Variants in MPRIP observed in about 807,000 individuals in gnomAD.
MPRIP encodes the protein myosin phosphatase Rho-interacting protein.
In MPRIP, 59 loss-of-function variants were observed where a neutral mutation model predicts 234.9. The observed-to-expected ratio is 0.25, with a 90% confidence interval of 0.20 to 0.31. The LOEUF is 0.31. MPRIP is among the 10% of genes least tolerant of loss of function. The pLI is 1.00. For missense variants in MPRIP, 2,436 were observed against 3,071.0 expected, an observed-to-expected ratio of 0.79 and a Z score of 4.89; for synonymous variants, 1,144 against 1,263.9, an observed-to-expected ratio of 0.91 and a Z score of 2.01.
rs2045961350 is a variant in MPRIP, at chr17:17,165,357, C to G, written c.3766C>G (p.Leu1256Val). 2.3e-6 allele frequency: 3 copies of G among 1,304,054 alleles called. No homozygotes were observed. Among genetic ancestry groups the G allele is most frequent in the African/African-American group, 1.5e-5 (1 of 65,874 alleles). 80.8% of individuals were successfully genotyped at this position (1,304,054 alleles called of 1,614,324 possible). ...GQPVQATRAP[L>V]GLPHTRLEDE... ...ACCAGTCCAAGCCACTAGGGCACCT[C>G]TAGGCCTCCCACACACAAGGCTCGA... The change falls in exon 16 of 24, where the codon CTA becomes GTA. Residue 1256 changes from leucine (L) to valine (V), a missense_variant. Physicochemically the swap from Leu to Val is conservative, Grantham distance 32. Around this residue, in one of 4 missense-constraint regions of MPRIP, gnomAD observed 1,998 missense variants for 2,520.3 expected, o/e 0.79. Transcript: ENST00000651222.
At chr17:17,154,744 C>T (rs565718109) in intron 13 of MPRIP, among the ~76,000 whole-genome samples, 26 of 152,374 alleles carry the variant, frequency 1.7e-4, no homozygotes, top group African/African-American at 6.0e-4. Context: ...AGTCGGTGCT[C>T]TCAGGCCTTG....
intron 5 of MPRIP, among the ~76,000 whole-genome samples, chr17:17,132,231 C>T (rs2090611658): frequency 6.6e-6 from 1 of 152,192 alleles, no homozygotes; most frequent in South Asian, 2.1e-4. Context: ...CTCCTTCCCT[C>T]CCTGGCCAGT....
rs2089390399 is a variant in MPRIP at position 17,078,610 on chromosome 17, C to T, written c.267+534C>T. Among the ~76,000 whole-genome samples the T allele has an allele frequency of 6.6e-6, 1 of 152,248 alleles. No individual in the cohort carries two copies. The highest frequency in any genetic ancestry group is 1.5e-5 in the Non-Finnish European group (1 of 68,046). ...TCTTCTGGTCACTAAACCAGGCAGA[C>T]AGGCTTCTTCCTCCTCCCCACCTCC... On this transcript the variant is annotated intron_variant, in intron 3 of 23. Coordinates refer to ENST00000651222, the MANE Select transcript of MPRIP (RefSeq NM_001364716.4). This position sits in a 1 kb window ranked among gnomAD's most constrained non-coding sequence, Gnocchi z 4.3.
chr17:17,054,258 A>C (rs932530697), intron 1 of MPRIP, among the ~76,000 whole-genome samples: 2 of 152,230 alleles, frequency 1.3e-5, no homozygotes, highest in African/African-American at 4.8e-5. Context: ...TGAAAATTGT[A>C]AGGCATACCT....
chr17:17,139,589 A>C (rs1259880176), intron 7 of MPRIP, among the ~76,000 whole-genome samples: 4 of 152,212 alleles, frequency 2.6e-5, no homozygotes, highest in Non-Finnish European at 1.5e-5. Context: ...GGACAGGTGA[A>C]GGCAGCCATG....
At chr17:17,102,222 G>A (rs1378033098) in intron 3 of MPRIP, among the ~76,000 whole-genome samples, 3 of 152,164 alleles carry the variant, frequency 2.0e-5, no homozygotes, top group East Asian at 3.9e-4. Context: ...TCCTGTCTGC[G>A]TTACCCATAG....
chr17:17,107,631 C>T (rs552469576), intron 3 of MPRIP, among the ~76,000 whole-genome samples: 1 of 152,326 alleles, frequency 6.6e-6, no homozygotes, highest in Admixed American at 6.5e-5. Context: ...CACACAGGCC[C>T]AGGCTGGTCC....
intron 3 of MPRIP, among the ~76,000 whole-genome samples, chr17:17,085,963 C>T (rs946810736): frequency 6.6e-5 from 10 of 152,312 alleles, no homozygotes; most frequent in East Asian, 5.8e-4. Flanking sequence ...TCCTTCTCTG[C>T]GGAATTATCC....
rs773595212 is a variant in MPRIP at position 17,143,561 on chromosome 17, C to A, written c.1395C>A (p.Phe465Leu). Residue 465 changes from phenylalanine (F) to leucine (L), a missense_variant, in exon 9 of 24, where the codon TTC becomes TTA. Phe to Leu is a conservative substitution (Grantham distance 22). Coordinates refer to ENST00000651222, the MANE Select transcript of MPRIP (RefSeq NM_001364716.4). ...GCGGCTGCTCTCTGCCACAGGACTTCACCAATGAAGCCCCCCCAGCTCCTC... is the reference window on the plus strand; with the variant it reads ...GCGGCTGCTCTCTGCCACAGGACTTAACCAATGAAGCCCCCCCAGCTCCTC... ...EKRAFPRKRDFTNEAPPAPLP... is the reference protein window; with the variant it reads ...EKRAFPRKRDLTNEAPPAPLP... 15 of 1,595,202 alleles carry A rather than the reference C, an allele frequency of 9.4e-6. No homozygotes were observed. The highest frequency in any genetic ancestry group is 1.7e-5 in the Admixed American group (1 of 57,806).
At chr17:17,045,186 G>A (rs2088306460) in intron 1 of MPRIP, among the ~76,000 whole-genome samples, 1 of 152,198 alleles carries the variant, frequency 6.6e-6, no homozygotes, top group Non-Finnish European at 1.5e-5. Context: ...CCACCATCGA[G>A]GCCACTCCCT....
chr17:17,142,901 A>G, intron 8 of MPRIP, 136 bp downstream of exon 8: 4 of 970,334 alleles, frequency 4.1e-6, no homozygotes, highest in Non-Finnish European at 6.0e-6. Context: ...TCCTCTGCAT[A>G]GTGACTTCTT....
chr17:17,143,806 C>G, intron 9 of MPRIP, 137 bp downstream of exon 9: 1 of 468,110 alleles, frequency 2.1e-6, no homozygotes, highest in Middle Eastern at 4.3e-4. Flanking sequence ...AGCACCCCCA[C>G]CCACCGACCC....
intron 1 of MPRIP, 41 bp downstream of exon 1, chr17:17,043,012 G>T (rs1328704162): frequency 2.5e-6 from 4 of 1,591,628 alleles, no homozygotes; most frequent in Non-Finnish European, 3.4e-6. Flanking sequence ...CGTTCTGGGA[G>T]CCGCGGGTCG....
At chr17:17,149,106 G>C (rs1354614601) in intron 11 of MPRIP, among the ~76,000 whole-genome samples, 3 of 152,194 alleles carry the variant, frequency 2.0e-5, no homozygotes, top group Non-Finnish European at 2.9e-5. Context: ...GAGAGTTCAT[G>C]GGCATGATTT....
chr17:17,177,442 A>G, intron 22 of MPRIP, 30 bp downstream of exon 22: 3 of 1,602,674 alleles, frequency 1.9e-6, no homozygotes, highest in Non-Finnish European at 2.6e-6. Flanking sequence ...CCTCTCGGTT[A>G]TTGCTGGGGG....
intron 15 of MPRIP, 65 bp from the exon 16 acceptor site, chr17:17,164,044 A>T (rs1417796350): frequency 1.2e-5 from 14 of 1,143,512 alleles, no homozygotes; most frequent in Non-Finnish European, 1.7e-5. Context: ...TCCTGGCCAG[A>T]GGTGTGACAC....
At chr17:17,094,816 T>C (rs932945090) in intron 3 of MPRIP, among the ~76,000 whole-genome samples, 1 of 151,992 alleles carries the variant, frequency 6.6e-6, no homozygotes, top group African/African-American at 2.4e-5. Flanking sequence ...ATCGCCATGT[T>C]TCCCAGGCCA....
chr17:17,145,615 C>G (rs1181378159), intron 9 of MPRIP, among the ~76,000 whole-genome samples: 1 of 152,248 alleles, frequency 6.6e-6, no homozygotes, highest in Non-Finnish European at 1.5e-5. Context: ...CCCAGGCTTC[C>G]TGTGGCTTCT....
chr17:17,088,325 C>T (rs559057929), intron 3 of MPRIP, among the ~76,000 whole-genome samples: 1 of 152,306 alleles, frequency 6.6e-6, no homozygotes, highest in Non-Finnish European at 1.5e-5. Context: ...TGTGACGGTA[C>T]CCTGCAGCGT....
Sources: gnomAD v4.1 joint callset for allele counts (sites outside exome capture counted in the v4.1 genomes callset) on GRCh38, gnomAD v4.1.1 for gene constraint, gnomAD v4.1.1 regional missense constraint, Gnocchi (gnomAD v3.1) non-coding constraint, MANE v1.5 for transcripts, NCBI Gene and HGNC (gene_info 2026-07-23, HGNC 2026-07-21) for gene names.